USP2: variants seen among roughly 807,000 people sequenced by gnomAD.
USP2 encodes ubiquitin carboxyl-terminal hydrolase 2.
Under a neutral mutation model 72.0 loss-of-function variants are expected in USP2, and 33 were observed. The ratio of observed to expected loss-of-function variants is 0.46; its 90% CI spans 0.35 to 0.61. The LOEUF is 0.61. Ranked by LOEUF, USP2 falls within the 20% of genes least tolerant of loss-of-function variation. The pLI, the probability that USP2 is intolerant of heterozygous loss-of-function variation, is 0.01. For missense variants in USP2, 691 were observed against 797.8 expected (o/e 0.87, Z 1.61); for synonymous variants, 296 against 312.5 (o/e 0.95, Z 0.56).
chr11:119,366,958 C>T (rs1321015049), intron 2 of USP2, among the ~76,000 whole-genome samples: 3 of 152,170 alleles, frequency 2.0e-5, no homozygotes, highest in African/African-American at 7.2e-5. Context: ...CGTGGGAGCA[C>T]TTTGAGAAGT....
intron 10 of USP2, 76 bp downstream of exon 10, chr11:119,357,681 T>G: frequency 6.2e-7 from 1 of 1,613,356 alleles, no homozygotes; most frequent in Non-Finnish European, 8.5e-7. Flanking sequence ...TTCCGACTGT[T>G]CCCCTCACCT....
intron 4 of USP2, 43 bp downstream of exon 4, chr11:119,359,494 G>T (rs943457883): frequency 1.2e-6 from 2 of 1,611,118 alleles, no homozygotes; most frequent in Non-Finnish European, 1.7e-6. Context: ...GAGTGGAGGA[G>T]CATCCGGGGG....
chr11:119,372,669 C>T, intron 2 of USP2, 38 bp downstream of exon 2: 1 of 1,497,000 alleles, frequency 6.7e-7, no homozygotes, highest in South Asian at 1.4e-5. Context: ...CAGTGGCTGC[C>T]TCCCCAGCCT....
At chr11:119,375,716 A>G (rs1950991696) in intron 1 of USP2, among the ~76,000 whole-genome samples, 1 of 152,140 alleles carries the variant, frequency 6.6e-6, no homozygotes, top group Non-Finnish European at 1.5e-5. Context: ...CAACAAGGGT[A>G]TGAGCTCATG....
At chr11:119,374,295 A>G (rs888140254) in intron 1 of USP2, among the ~76,000 whole-genome samples, 6 of 152,084 alleles carry the variant, frequency 3.9e-5, no homozygotes, top group African/African-American at 1.2e-4. Context: ...CTCTACAAAC[A>G]CAGATCTCAA....
At chr11:119,359,425 C>T (rs1260080368) in intron 4 of USP2, 83 bp from the exon 5 acceptor site, 4 of 1,583,774 alleles carry the variant, frequency 2.5e-6, no homozygotes, top group Non-Finnish European at 3.4e-6. Context: ...AAAAAGCAAG[C>T]AGAGAAAGAC....
Position 119,358,776 on chromosome 11 carries a change from C to A in USP2, c.1234G>T (p.Gly412Trp). Residue 412 changes from glycine to tryptophan, a missense_variant, in exon 7 of 13, where the codon GGG (glycine) becomes TGG (tryptophan). Coordinates refer to ENST00000260187, the MANE Select transcript of USP2 (RefSeq NM_004205.5). ...ATCTTCCCTTTCATGCGCTTACCCC[C>A]GATCCTACTGTCTTCCCGTTCTAGA... Reference protein sequence around the residue: ...KYLEREDSRIGDLFVGQLKSS... With the variant: ...KYLEREDSRIWDLFVGQLKSS... 6.2e-7 allele frequency: 1 copy of A among 1,614,128 alleles called. No homozygotes were observed. The highest frequency in any genetic ancestry group is 2.2e-5 in the East Asian group (1 of 44,884).
intron 6 of USP2, 27 bp from the exon 7 acceptor site, chr11:119,358,864 G>A: frequency 6.2e-7 from 1 of 1,613,260 alleles, no homozygotes; most frequent in Middle Eastern, 1.6e-4. Flanking sequence ...GACAACAATT[G>A]GGTCAAAGCT....
rs1375460613 is a variant in USP2, at chr11:119,358,890, AG to A, written c.1173-54del. 8 of 1,605,574 alleles carry A rather than the reference AG, an allele frequency of 5.0e-6. No homozygotes were observed. In the African/African-American group the frequency reaches 1.1e-4, roughly 21 times the overall value. ...GGTCAAAGCTCAAAACTTAAGTTTAAGGGTCTGTCAATTTTGATCCTTCATC... is the reference window on the plus strand; with the variant it reads ...GGTCAAAGCTCAAAACTTAAGTTTAAGGTCTGTCAATTTTGATCCTTCATC... On this transcript the variant is annotated intron_variant, in intron 6 of 12. Coordinates refer to ENST00000260187, the MANE Select transcript of USP2 (RefSeq NM_004205.5).
At chr11:119,367,963 G>A (rs541392541) in intron 2 of USP2, among the ~76,000 whole-genome samples, 1 of 152,310 alleles carries the variant, frequency 6.6e-6, no homozygotes, top group African/African-American at 2.4e-5. Flanking sequence ...AAGACATCCT[G>A]GAGTGGGGGT....
At chr11:119,364,330 G>C (rs531936603) in intron 2 of USP2, 1 of 332,342 alleles carries the variant, frequency 3.0e-6, no homozygotes, top group African/African-American at 2.2e-5. Flanking sequence ...CGAACGAGGC[G>C]ACAAGGTCGG....
At chr11:119,360,960 T>C (rs995466882) in intron 2 of USP2, among the ~76,000 whole-genome samples, 10 of 152,218 alleles carry the variant, frequency 6.6e-5, no homozygotes, top group African/African-American at 1.4e-4. Flanking sequence ...AAGTCCAATA[T>C]ATAAAGTAAC....
rs369792510 is a variant in USP2 at position 119,357,598 on chromosome 11, T to C, written c.1502-8A>G. The C allele has an allele frequency of 6.8e-6, 11 of 1,614,056 alleles. No individual in the cohort carries two copies. The African/African-American group carries it at 1.3e-4, about 20-fold the overall frequency. On this transcript the variant is annotated splice_polypyrimidine_tract_variant and splice_region_variant and intron_variant, in intron 10 of 12. Coordinates refer to ENST00000260187, the MANE Select transcript of USP2 (RefSeq NM_004205.5). ...CTGAGAACCGCTTCAGATCTGGCAT[T>C]GACGTGAGTCAAGGATAGTCAAACC... is the stretch of plus-strand genomic sequence containing the variant.
In USP2 at chr11:119,379,235, G is replaced by A. The variant is rs1038959742; in HGVS notation, c.-42+2238C>T. ...CCAGGAGAATTAAAGGGGCAGTGGCGTGCTCACCTTGAGGGGCTGCCCTTT... is the reference window on the plus strand; with the variant it reads ...CCAGGAGAATTAAAGGGGCAGTGGCATGCTCACCTTGAGGGGCTGCCCTTT... On this transcript the variant is annotated intron_variant, in intron 1 of 12. Coordinates refer to ENST00000260187, the MANE Select transcript of USP2 (RefSeq NM_004205.5). The A allele has an allele frequency of 3.9e-5, 38 of 985,386 alleles. No individual in the cohort carries two copies. The East Asian group carries it at 4.5e-4, about 12-fold the overall frequency. 61.0% of individuals were successfully genotyped at this position (985,386 alleles called of 1,614,324 possible). A position where few individuals can be genotyped will look rare whatever the true frequency, so the allele number is the denominator to read the frequency against.
intron 2 of USP2, among the ~76,000 whole-genome samples, chr11:119,362,391 C>T (rs1231721054): frequency 1.3e-5 from 2 of 152,132 alleles, no homozygotes; most frequent in South Asian, 2.1e-4. Flanking sequence ...TCCTTTAAGG[C>T]ATCCTTAGGA....
chr11:119,378,067 C>G (rs893350574), intron 1 of USP2, among the ~76,000 whole-genome samples: 1 of 152,140 alleles, frequency 6.6e-6, no homozygotes, highest in Non-Finnish European at 1.5e-5. Flanking sequence ...GAGTCCCAGC[C>G]AGTCCCGCCA....
At chr11:119,357,010 C>T (rs1241444134) in intron 12 of USP2, 88 bp from the exon 13 acceptor site, 3 of 1,502,188 alleles carry the variant, frequency 2.0e-6, no homozygotes, top group African/African-American at 1.4e-5. Context: ...GGCCGGCCGG[C>T]CTGCCTTTCA....
intron 2 of USP2, among the ~76,000 whole-genome samples, chr11:119,370,302 A>C (rs1950909903): frequency 6.6e-6 from 1 of 152,254 alleles, no homozygotes; most frequent in Non-Finnish European, 1.5e-5. Context: ...ACGAGGACTA[A>C]CATTTACTAA....
intron 12 of USP2, 114 bp from the exon 13 acceptor site, chr11:119,357,036 G>A (rs1200042551): frequency 7.1e-6 from 10 of 1,407,530 alleles, no homozygotes; most frequent in Non-Finnish European, 8.7e-6. Flanking sequence ...CCTCCCCACG[G>A]GCAGCGGCTT....
Sources: gnomAD v4.1 joint callset for allele counts (sites outside exome capture counted in the v4.1 genomes callset) on GRCh38, gnomAD v4.1.1 for gene constraint, MANE v1.5 for transcripts, NCBI Gene and HGNC (gene_info 2026-07-23, HGNC 2026-07-21) for gene names.